SLC2A10: variants seen among roughly 807,000 people sequenced by gnomAD.
SLC2A10 encodes solute carrier family 2, facilitated glucose transporter member 10.
In SLC2A10, 25 loss-of-function variants were observed where a neutral mutation model predicts 32.1. That is an observed-to-expected ratio of 0.78 (90% CI 0.57 to 1.09). The LOEUF is 1.09. Ranked by LOEUF, SLC2A10 falls within the 50% of genes least tolerant of loss-of-function variation. SLC2A10 has a pLI of 0.00. For synonymous variants in SLC2A10, 332 were observed against 309.6 expected (o/e 1.07, Z -0.76); for missense variants, 673 against 686.5 (o/e 0.98, Z 0.22).
intron 3 of SLC2A10, among the ~76,000 whole-genome samples, chr20:46,728,647 G>A (rs1192009514): frequency 8.0e-6 from 1 of 124,264 alleles, no homozygotes; most frequent in Non-Finnish European, 1.6e-5. Flanking sequence ...GTCTCACTCT[G>A]TCGCCCTGAG....
chr20:46,720,308 A>T lies in SLC2A10; in HGVS notation c.5-4733A>T, dbSNP rs533224943. ...AGGGGAAAAGAAGCAAATGGCAAGA[A>T]AACAGATCTACCAAAAACAAAACAA... On this transcript the variant is annotated intron_variant, in intron 1 of 4. Coordinates refer to ENST00000359271, the MANE Select transcript of SLC2A10 (RefSeq NM_030777.4). Among the ~76,000 whole-genome samples, 5 of 152,364 alleles carry T rather than the reference A, an allele frequency of 3.3e-5. No individual in the cohort carries two copies. The South Asian group carries it at 1.0e-3, about 32-fold the overall frequency.
Position 46,709,687 on chromosome 20 carries a change from G to A in SLC2A10, c.-50G>A. ...GGCGTTGGGGACTCCGGCGGGGGAT[G>A]CGCGCCCGGCCCCTCAGCGCCCCCA... On this transcript the variant is annotated 5_prime_UTR_variant, in exon 1 of 5. It removes an upstream start codon present in the reference 5' UTR. Coordinates refer to ENST00000359271, the MANE Select transcript of SLC2A10 (RefSeq NM_030777.4). 1 of 1,534,852 alleles carries A rather than the reference G, an allele frequency of 6.5e-7. No homozygotes were observed. The highest frequency in any genetic ancestry group is 1.4e-5 in the African/African-American group (1 of 70,926).
chr20:46,727,268 C>T (rs1018259192), intron 3 of SLC2A10, among the ~76,000 whole-genome samples: 2 of 152,130 alleles, frequency 1.3e-5, no homozygotes, highest in African/African-American at 2.4e-5. Flanking sequence ...CTGGCTTAAA[C>T]TGGTTCATGA....
chr20:46,709,259 A>ATGTGTGTGT (rs17861024), upstream of SLC2A10, among the ~76,000 whole-genome samples: 189 of 151,838 alleles, frequency 1.2e-3, no homozygotes, highest in Admixed American at 3.6e-3. Context: ...CTCGGTGTAG[A>ATGTGTGTGT]TGTGTGTGTT....
chr20:46,712,651 C>CTTTTTTTTTTTTTTTTTTTTTTTTTTTTT (rs11477202), intron 1 of SLC2A10, among the ~76,000 whole-genome samples: 18 of 94,426 alleles, frequency 1.9e-4, no homozygotes, highest in African/African-American at 2.3e-4. Context: ...TTCTTTCTTT[C>CTTTTTTTTTTTTTTTTTTTTTTTTTTTTT]TTTTTTTTTT....
upstream of SLC2A10, chr20:46,709,567 G>A: frequency 1.2e-6 from 1 of 827,612 alleles, no homozygotes; most frequent in Non-Finnish European, 1.7e-6. Flanking sequence ...CTCGGGGCCT[G>A]GCTGGCCGAC....
chr20:46,728,438 G>A (rs1386773343), intron 3 of SLC2A10, among the ~76,000 whole-genome samples: 3 of 152,000 alleles, frequency 2.0e-5, no homozygotes, highest in Non-Finnish European at 4.4e-5. Context: ...TCCCATCTTG[G>A]CTGCTGGTTC....
chr20:46,733,728 C>G (rs202054702), intron 4 of SLC2A10, 28 bp from the exon 5 acceptor site: 1 of 1,608,376 alleles, frequency 6.2e-7, no homozygotes, highest in Non-Finnish European at 8.5e-7. Context: ...CTGCCACCCC[C>G]TGATCCCACG....
intron 4 of SLC2A10, among the ~76,000 whole-genome samples, chr20:46,731,072 C>T (rs999837285): frequency 6.6e-6 from 1 of 152,206 alleles, no homozygotes; most frequent in African/African-American, 2.4e-5. Context: ...GGCGCCTCAG[C>T]AACCCAGCTG....
At chr20:46,728,159 C>A (rs1980079375) in intron 3 of SLC2A10, among the ~76,000 whole-genome samples, 1 of 152,104 alleles carries the variant, frequency 6.6e-6, no homozygotes, top group African/African-American at 2.4e-5. Context: ...ATATCATCCC[C>A]ATTTCACAGA....
At chr20:46,711,853 T>G (rs1978932260) in intron 1 of SLC2A10, among the ~76,000 whole-genome samples, 1 of 152,174 alleles carries the variant, frequency 6.6e-6, no homozygotes, top group African/African-American at 2.4e-5. Context: ...TATCACAGGG[T>G]AGCCATGAGA....
intron 1 of SLC2A10, chr20:46,710,332 G>A (rs1978837984): frequency 3.1e-6 from 1 of 319,048 alleles, no homozygotes. Context: ...AGCCTCGAAG[G>A]ATCAGTCGTT....
At chr20:46,724,197 A>G (rs1979710958) in intron 1 of SLC2A10, among the ~76,000 whole-genome samples, 1 of 152,196 alleles carries the variant, frequency 6.6e-6, no homozygotes, top group African/African-American at 2.4e-5. Flanking sequence ...TCACTATCTG[A>G]AATTATATAC....
rs2425906 is a variant in SLC2A10 at position 46,729,506 on chromosome 20, T to G, written c.1547+18T>G. ...AAGAGACGGTAGGAAGCTGACAGGGTGGGTCTGGGGGAAGAGCTGTAGCAC... is the reference window on the plus strand; with the variant it reads ...AAGAGACGGTAGGAAGCTGACAGGGGGGGTCTGGGGGAAGAGCTGTAGCAC... On this transcript the variant is annotated intron_variant, in intron 4 of 4. Transcript: ENST00000359271. 0.41 allele frequency: 667,560 copies of G among 1,611,072 alleles called. 141,855 individuals carry two copies. The highest frequency in any genetic ancestry group is 0.6 in the East Asian group (26,917 of 44,808).
At chr20:46,724,806 A>AGGATGGATGGATGGAT (rs111504264) in intron 1 of SLC2A10, among the ~76,000 whole-genome samples, 5 of 125,700 alleles carry the variant, frequency 4.0e-5, no homozygotes, top group Middle Eastern at 5.2e-3. Context: ...GACAGATGGA[A>AGGATGGATGGATGGAT]GGATGGATGG....
At chr20:46,724,875 CGGATGGATGGAT>C (rs3092014) in intron 1 of SLC2A10, among the ~76,000 whole-genome samples, 154 bp from the exon 2 acceptor site, 1 of 139,758 alleles carries the variant, frequency 7.2e-6, no homozygotes, top group African/African-American at 2.8e-5. Context: ...GATGGATGGA[CGGATGGATGGAT>C]GGATGGATGG....
At chr20:46,710,748 A>G (rs1978860517) in intron 1 of SLC2A10, among the ~76,000 whole-genome samples, 2 of 152,236 alleles carry the variant, frequency 1.3e-5, no homozygotes, top group Admixed American at 1.3e-4. Context: ...CACTGAGGTC[A>G]AAGGGATGGC....
upstream of SLC2A10, among the ~76,000 whole-genome samples, chr20:46,708,348 T>C (rs1034502124): frequency 6.6e-6 from 1 of 152,180 alleles, no homozygotes; most frequent in African/African-American, 2.4e-5. Context: ...GCTGCGCCCA[T>C]GTGAGTGCTG....
At chr20:46,724,943 G>T in intron 1 of SLC2A10, 98 bp from the exon 2 acceptor site, 1 of 1,508,426 alleles carries the variant, frequency 6.6e-7, no homozygotes, top group Non-Finnish European at 9.1e-7. Flanking sequence ...TAGATGGATG[G>T]ATAAATGAAG....
Sources: gnomAD v4.1 joint callset for allele counts (sites outside exome capture counted in the v4.1 genomes callset) on GRCh38, gnomAD v4.1.1 for gene constraint, MANE v1.5 for transcripts, NCBI Gene and HGNC (gene_info 2026-07-23, HGNC 2026-07-21) for gene names.